PDZD2: variants seen among roughly 807,000 people sequenced by gnomAD.
PDZD2 encodes PDZ domain containing 2.
Under a neutral mutation model 220.7 loss-of-function variants are expected in PDZD2, and 90 were observed. That is an observed-to-expected ratio of 0.41 (90% CI 0.34 to 0.49). The LOEUF (loss-of-function observed/expected upper bound fraction) is 0.49. Among genes scored for constraint, PDZD2 ranks in the 20% least tolerant of loss-of-function variants. The probability of loss-of-function intolerance (pLI) is 0.28; values close to 1 mark genes in which losing one functional copy is unlikely to be tolerated. For synonymous variants in PDZD2, 1,375 were observed against 1,450.5 expected (o/e 0.95, Z 1.18); for missense variants, 3,174 against 3,608.5 (o/e 0.88, Z 3.08).
intron 1 of PDZD2, among the ~76,000 whole-genome samples, chr5:31,757,864 G>A (rs574552054): frequency 2.4e-4 from 37 of 152,288 alleles, no homozygotes; most frequent in Admixed American, 1.1e-3. Flanking sequence ...AAAGCCACCC[G>A]CACCAGCTGT....
chr5:32,072,682 G>A (rs1360578990), intron 17 of PDZD2, among the ~76,000 whole-genome samples: 1 of 152,204 alleles, frequency 6.6e-6, no homozygotes, highest in Non-Finnish European at 1.5e-5. Context: ...AGTGAGCTGA[G>A]ATCGCACCAT....
At chr5:32,031,368 A>G (rs7701949) in intron 6 of PDZD2, among the ~76,000 whole-genome samples, 2,021 of 151,980 alleles carry the variant, frequency 0.013, 58 homozygotes, top group African/African-American at 0.047. Flanking sequence ...TCTCTTTTCC[A>G]CTACGCCTAT....
intron 2 of PDZD2, among the ~76,000 whole-genome samples, chr5:31,831,432 G>T (rs1033987378): frequency 1.3e-5 from 2 of 152,070 alleles, no homozygotes; most frequent in Non-Finnish European, 2.9e-5. Context: ...TGGCCAACAT[G>T]GTGAAACCCC....
At chr5:31,645,134 A>C (rs1055766993) in intron 1 of PDZD2, among the ~76,000 whole-genome samples, 7 of 152,186 alleles carry the variant, frequency 4.6e-5, no homozygotes, top group Non-Finnish European at 8.8e-5. Flanking sequence ...CAAGTCCTTG[A>C]AAGGGCATTA....
chr5:31,986,660 G>T (rs569561468), intron 3 of PDZD2, among the ~76,000 whole-genome samples: 1 of 150,882 alleles, frequency 6.6e-6, no homozygotes, highest in East Asian at 1.9e-4. Flanking sequence ...TGCGGGGGGC[G>T]GGGGGGAATT....
chr5:31,894,680 A>G (rs1741377408), intron 2 of PDZD2, among the ~76,000 whole-genome samples: 2 of 152,004 alleles, frequency 1.3e-5, no homozygotes, highest in Non-Finnish European at 1.5e-5. Context: ...TGGTTTTTCT[A>G]TAGTCTAAAA....
intron 6 of PDZD2, among the ~76,000 whole-genome samples, chr5:32,016,910 C>T (rs147524177): frequency 6.1e-4 from 93 of 152,328 alleles, no homozygotes; most frequent in African/African-American, 2.2e-3. Context: ...CATTTAATGT[C>T]ATCCTCCATG....
At chr5:31,651,729 T>G (rs927627215) in intron 1 of PDZD2, among the ~76,000 whole-genome samples, 1 of 152,112 alleles carries the variant, frequency 6.6e-6, no homozygotes, top group Non-Finnish European at 1.5e-5. Flanking sequence ...CCTCCCAGGC[T>G]CAAGTGATTC....
rs1006851219 is a variant in PDZD2, at chr5:32,083,995, A to G, written c.3683-3136A>G. Among the ~76,000 whole-genome samples the G allele has an allele frequency of 2.6e-5, 4 of 152,122 alleles. 1 individual carries two copies. The highest frequency in any genetic ancestry group is 1.3e-4 in the Admixed American group (2 of 15,262). On this transcript the variant is annotated intron_variant, in intron 19 of 24. Transcript: ENST00000438447. This position sits in a 1 kb window ranked among gnomAD's most constrained non-coding sequence, Gnocchi z 4.1. ...CCACGGCCTGAATATGAAATTTAAAAACAGAGTTTAAATCCCCTCCTTTTG... is the reference window on the plus strand; with the variant it reads ...CCACGGCCTGAATATGAAATTTAAAGACAGAGTTTAAATCCCCTCCTTTTG...
chr5:31,652,134 G>GTTT (rs775664005), intron 1 of PDZD2, among the ~76,000 whole-genome samples: 3 of 111,772 alleles, frequency 2.7e-5, no homozygotes, highest in Non-Finnish European at 5.7e-5. Flanking sequence ...TCTGGCCTGG[G>GTTT]TTTTTTTTTG....
At chr5:31,732,155 A>G (rs1749570880) in intron 1 of PDZD2, among the ~76,000 whole-genome samples, 1 of 152,202 alleles carries the variant, frequency 6.6e-6, no homozygotes, top group African/African-American at 2.4e-5. Flanking sequence ...TATCCTGTCT[A>G]TAGCTAGCCT....
intron 2 of PDZD2, among the ~76,000 whole-genome samples, chr5:31,974,840 C>A (rs1247804041): frequency 6.6e-6 from 1 of 152,086 alleles, no homozygotes; most frequent in Non-Finnish European, 1.5e-5. Context: ...TTGCTTGAGC[C>A]TGGGAGGTTG....
intron 2 of PDZD2, among the ~76,000 whole-genome samples, chr5:31,885,994 G>A (rs565927213): frequency 6.6e-6 from 1 of 151,832 alleles, no homozygotes; most frequent in South Asian, 2.1e-4. Context: ...CTGCCTCCCG[G>A]GTTCAAGTGA....
chr5:31,823,255 A>G (rs903638840), intron 2 of PDZD2: 14 of 343,086 alleles, frequency 4.1e-5, no homozygotes, highest in African/African-American at 3.0e-4. Flanking sequence ...TCACGAGGTC[A>G]GGAGATCAAG....
At chr5:31,966,632 G>A (rs1168316873) in intron 2 of PDZD2, among the ~76,000 whole-genome samples, 1 of 152,152 alleles carries the variant, frequency 6.6e-6, no homozygotes, top group Non-Finnish European at 1.5e-5. Flanking sequence ...TAAAGACATG[G>A]CTTATCCGTT....
chr5:31,941,163 A>C (rs1452424334), intron 2 of PDZD2, among the ~76,000 whole-genome samples: 1 of 152,162 alleles, frequency 6.6e-6, no homozygotes, highest in Non-Finnish European at 1.5e-5. Flanking sequence ...TTGCACCAAC[A>C]TTTCTGACCC....
At chr5:31,648,632 C>T (rs1745224061) in intron 1 of PDZD2, among the ~76,000 whole-genome samples, 1 of 152,100 alleles carries the variant, frequency 6.6e-6, no homozygotes, top group African/African-American at 2.4e-5. Context: ...GACCCCAGTC[C>T]TTTTCCTCCG....
At chr5:31,734,755 C>T (rs1307222197) in intron 1 of PDZD2, among the ~76,000 whole-genome samples, 2 of 152,160 alleles carry the variant, frequency 1.3e-5, no homozygotes, top group East Asian at 1.9e-4. Context: ...TACCCAATCA[C>T]GAGATTGGTT....
chr5:31,850,014 AC>A (rs1757903747), intron 2 of PDZD2, among the ~76,000 whole-genome samples: 1 of 106,084 alleles, frequency 9.4e-6, no homozygotes, highest in South Asian at 2.7e-4. Context: ...ATATACACAC[AC>A]ACGTATATAC....
Sources: allele counts gnomAD v4.1 joint callset (sites outside exome capture counted in the v4.1 genomes callset), GRCh38; gene constraint gnomAD v4.1.1; non-coding constraint Gnocchi (gnomAD v3.1); transcripts MANE v1.5; gene names NCBI Gene and HGNC (gene_info 2026-07-23, HGNC 2026-07-21).